The following BAZ2A variants were observed in gnomAD, a reference collection of about 807,000 sequenced individuals.
The protein encoded by BAZ2A is bromodomain adjacent to zinc finger domain protein 2A.
In BAZ2A, 34 loss-of-function variants were observed where a neutral mutation model predicts 199.9. That is an observed-to-expected ratio of 0.17 (90% CI 0.13 to 0.23). The LOEUF (loss-of-function observed/expected upper bound fraction) is 0.23, where lower values mean the gene tolerates loss of function less well. Among genes scored for constraint, BAZ2A ranks in the 10% least tolerant of loss-of-function variants. The pLI is 1.00. For missense variants in BAZ2A, 2,002 were observed against 2,391.1 expected, an observed-to-expected ratio of 0.84 and a Z score of 3.39; for synonymous variants, 857 against 883.9, an observed-to-expected ratio of 0.97 and a Z score of 0.54.
In BAZ2A at chr12:56,612,015, G is replaced by C. The variant is rs769629657; in HGVS notation, c.1367C>G (p.Ser456Cys). 6.2e-7 allele frequency: 1 copy of C among 1,613,818 alleles called. No individual in the cohort carries two copies. Among genetic ancestry groups the C allele is most frequent in the African/African-American group, 1.3e-5 (1 of 75,006 alleles). Residue 456 changes from serine (S) to cysteine (C), a missense_variant, in exon 6 of 29, where the codon TCT (serine) becomes TGT (cysteine). By Grantham distance (112) the Ser-to-Cys change is moderately radical. Around this residue, in one of 6 missense-constraint regions of BAZ2A, gnomAD observed 641 missense variants for 694.5 expected, o/e 0.92. Transcript: ENST00000549884. ...GAAGACTGCTGGAGAGACAACTGTA[G>C]AAGCTGCGGGACAAACTTCTGGAGA... ...EISPEVCPAA[S>C]TVVSPAVFSV...
intron 4 of BAZ2A, 95 bp downstream of exon 4, chr12:56,613,858 G>A: frequency 1.5e-6 from 2 of 1,353,558 alleles, no homozygotes; most frequent in Non-Finnish European, 2.0e-6. Context: ...CAGTGCCCCT[G>A]ATTGCCTAAT....
At position 56,635,744 on chromosome 12, in the gene BAZ2A, G is replaced by A. The variant is rs1951433762; in HGVS notation, c.4+438C>T. Among the ~76,000 whole-genome samples the A allele has an allele frequency of 1.3e-5, 2 of 152,174 alleles. No individual in the cohort carries two copies. ...CCACCTGAAGGTGGGTCAAGGTGGG[G>A]GAGGAGAGAAGACAGACTTAAAAGG... On this transcript the variant is annotated intron_variant, in intron 1 of 29. Coordinates refer to the BAZ2A transcript ENST00000379441. The surrounding 1 kb of genome is among the most constrained non-coding windows in gnomAD (Gnocchi z 4.1).
At chr12:56,605,487 T>G (rs1437867523) in intron 13 of BAZ2A, 160 bp from the exon 14 acceptor site, 2 of 812,582 alleles carry the variant, frequency 2.5e-6, no homozygotes, top group African/African-American at 1.7e-5. Flanking sequence ...AGTGGCATGA[T>G]CTCTGCTTAC....
intron 1 of BAZ2A, among the ~76,000 whole-genome samples, chr12:56,619,190 C>T (rs182969149): frequency 4.6e-5 from 7 of 151,930 alleles, no homozygotes; most frequent in Admixed American, 4.6e-4. Context: ...CTAAAAAATA[C>T]AAAAATTAGC....
upstream of BAZ2A, chr12:56,634,955 G>GC: frequency 1.0e-6 from 1 of 985,120 alleles, no homozygotes; most frequent in South Asian, 4.7e-5. Flanking sequence ...CTGGAGCAGG[G>GC]CCGGGCCGCA....
chr12:56,597,937 CTG>C lies in BAZ2A; in HGVS notation c.*679_*680del, dbSNP rs1229071906. On this transcript the variant is annotated 3_prime_UTR_variant, in exon 29 of 29. Transcript: ENST00000549884. ...AGATGGGGACAGAAGACAGGGACCT[CTG>C]AACATTTTTTTTTCCTTTGAAGGGA... 1 of 152,090 alleles carries C rather than the reference CTG, an allele frequency of 6.6e-6. No homozygotes were observed. Among genetic ancestry groups the C allele is most frequent in the Admixed American group, 6.6e-5 (1 of 15,208 alleles). 9.4% of individuals were successfully genotyped at this position (152,090 alleles called of 1,614,324 possible).
chr12:56,605,057 AG>A lies in BAZ2A; in HGVS notation c.2748+15del. The A allele has an allele frequency of 1.9e-6, 3 of 1,570,350 alleles. No individual in the cohort carries two copies. The highest frequency in any genetic ancestry group is 2.6e-6 in the Non-Finnish European group (3 of 1,156,018). On this transcript the variant is annotated intron_variant, in intron 14 of 28. Coordinates refer to ENST00000549884, the MANE Select transcript of BAZ2A (RefSeq NM_001300905.2). ...CTTTACTTGTCCTGGTTACTTTGGG[AG>A]GGACTTGCACTCACCTGACAGTAGG...
intron 1 of BAZ2A, among the ~76,000 whole-genome samples, chr12:56,625,129 C>A (rs1316770342): frequency 1.3e-5 from 2 of 149,758 alleles, no homozygotes; most frequent in African/African-American, 4.9e-5. Flanking sequence ...TTCCCTCTTT[C>A]AGCTCTGATT....
rs878865004 is a variant in BAZ2A, at chr12:56,611,443, A to C, written c.1670+130T>G. The C allele has an allele frequency of 1.9e-5, 17 of 881,894 alleles. 1 individual carries two copies. The South Asian group carries it at 2.4e-4, about 13-fold the overall frequency. The allele number at this position is 881,894 out of a possible 1,614,324, so 54.6% of individuals were successfully genotyped here. A position where few individuals can be genotyped will look rare whatever the true frequency, so the allele number is the denominator to read the frequency against. ...CCAAGAAACATTATCACTGCAGATA[A>C]CTGTCCTGTAATCTACTCTTGTCTG... On this transcript the variant is annotated intron_variant, in intron 7 of 28. Transcript: ENST00000549884.
chr12:56,605,759 G>A, intron 13 of BAZ2A, 71 bp downstream of exon 13: 2 of 1,352,280 alleles, frequency 1.5e-6, no homozygotes, highest in East Asian at 2.4e-5. Context: ...TCCCATTGCA[G>A]AAGTCCTTTT....
At chr12:56,602,269 T>A in intron 19 of BAZ2A, 77 bp from the exon 20 acceptor site, 1 of 1,269,790 alleles carries the variant, frequency 7.9e-7, no homozygotes. Flanking sequence ...ACTTAGGACC[T>A]ATACTTTCTT....
chr12:56,637,461 G>T (rs982791830), upstream of BAZ2A, among the ~76,000 whole-genome samples: 15 of 152,202 alleles, frequency 9.9e-5, no homozygotes, highest in East Asian at 2.5e-3. Context: ...AGGCCTTATG[G>T]TATTATATGC....
chr12:56,608,114 T>C (rs2136932590), intron 10 of BAZ2A, among the ~76,000 whole-genome samples: 1 of 149,632 alleles, frequency 6.7e-6, no homozygotes, highest in South Asian at 2.1e-4. Context: ...GGGCTACACC[T>C]GTAATCCCAG....
At position 56,595,654 on chromosome 12, in the gene BAZ2A, A is replaced by G. The variant is rs143755262; in HGVS notation, c.*2964T>C. 1 of 151,852 alleles carries G rather than the reference A, an allele frequency of 6.6e-6. No homozygotes were observed. Among genetic ancestry groups the G allele is most frequent in the East Asian group, 1.9e-4 (1 of 5,172 alleles). The allele number at this position is 151,852 out of a possible 1,614,324, so 9.4% of individuals were successfully genotyped here. A position where few individuals can be genotyped will look rare whatever the true frequency, so the allele number is the denominator to read the frequency against. On this transcript the variant is annotated 3_prime_UTR_variant, in exon 29 of 29. Coordinates refer to ENST00000549884, the MANE Select transcript of BAZ2A (RefSeq NM_001300905.2). ...AGTGGTAAGCTGGTGATGGTCCCAT[A>G]TTTGCTATGACAGGAACACAGAGGT... is the stretch of plus-strand genomic sequence containing the variant.
At chr12:56,599,937 C>T in intron 25 of BAZ2A, 27 bp downstream of exon 25, 1 of 1,613,442 alleles carries the variant, frequency 6.2e-7, no homozygotes, top group East Asian at 2.2e-5. Flanking sequence ...GGCCCCTCAG[C>T]CTCTCCAGGC....
exon 1 of BAZ2A, chr12:56,636,313 C>T: frequency 6.6e-7 from 1 of 1,507,426 alleles, no homozygotes; most frequent in Non-Finnish European, 8.9e-7. Context: ...ATCAAAAAGC[C>T]AGTGTATGCT....
At chr12:56,627,882 A>G (rs1481214961) in intron 1 of BAZ2A, among the ~76,000 whole-genome samples, 1 of 151,030 alleles carries the variant, frequency 6.6e-6, no homozygotes, top group African/African-American at 2.4e-5. Flanking sequence ...AGAAGAGAAA[A>G]AAAAGAAAAG....
intron 26 of BAZ2A, 47 bp downstream of exon 26, chr12:56,599,655 T>A: frequency 1.2e-6 from 2 of 1,611,008 alleles, no homozygotes; most frequent in Non-Finnish European, 1.7e-6. Context: ...TTGAGGATAA[T>A]CTCTGATTTC....
At chr12:56,609,069 G>A (rs1035993113) in intron 10 of BAZ2A, among the ~76,000 whole-genome samples, 4 of 151,550 alleles carry the variant, frequency 2.6e-5, no homozygotes, top group Admixed American at 2.0e-4. Context: ...TAGTAGAGAC[G>A]GGGTTTTACC....
Sources: allele counts gnomAD v4.1 joint callset (sites outside exome capture counted in the v4.1 genomes callset), GRCh38; gene constraint gnomAD v4.1.1; regional missense constraint gnomAD v4.1.1; non-coding constraint Gnocchi (gnomAD v3.1); transcripts MANE v1.5; gene names NCBI Gene and HGNC (gene_info 2026-07-23, HGNC 2026-07-21).